Variants in TENM3 observed in about 807,000 individuals in gnomAD.
TENM3 encodes the protein teneurin-3.
Under a neutral mutation model 255.1 loss-of-function variants are expected in TENM3, and 63 were observed. That is an observed-to-expected ratio of 0.25 (90% CI 0.20 to 0.30). The LOEUF (loss-of-function observed/expected upper bound fraction) is 0.30. TENM3 is among the 10% of genes least tolerant of loss of function. The probability of loss-of-function intolerance (pLI) is 1.00; values close to 1 mark genes in which losing one functional copy is unlikely to be tolerated. For synonymous variants in TENM3, 1,306 were observed against 1,322.3 expected (o/e 0.99, Z 0.27); for missense variants, 2,929 against 3,461.1 (o/e 0.85, Z 3.86).
At chr4:182,104,568 G>C in the TENM3 span, among the ~76,000 whole-genome samples, 3 of 138,756 alleles carry the variant, frequency 2.2e-5, no homozygotes, top group African/African-American at 8.3e-5. Flanking sequence ...CTGGAGTGCA[G>C]TGGCACAAAC....
intron 3 of TENM3, among the ~76,000 whole-genome samples, chr4:182,466,261 TC>T (rs1218688641): frequency 6.6e-6 from 1 of 152,196 alleles, no homozygotes; most frequent in Non-Finnish European, 1.5e-5. Flanking sequence ...AGGCTAGACA[TC>T]CAAAATCAAG....
At chr4:182,766,935 C>T (rs570234654) in intron 22 of TENM3, among the ~76,000 whole-genome samples, 2 of 152,242 alleles carry the variant, frequency 1.3e-5, no homozygotes, top group African/African-American at 4.8e-5. Context: ...CCCTTAGCAC[C>T]AAGACCAAAC....
chr4:182,288,214 G>A (rs529992202), intron 1 of TENM3, among the ~76,000 whole-genome samples: 4 of 152,130 alleles, frequency 2.6e-5, no homozygotes, highest in African/African-American at 9.7e-5. Flanking sequence ...GGGATTACAG[G>A]CATGAGCCAC....
the TENM3 span, among the ~76,000 whole-genome samples, chr4:182,033,843 G>C: frequency 3.0e-4 from 45 of 152,292 alleles, 1 homozygote; most frequent in African/African-American, 1.0e-3. Context: ...TTTTGCCAAA[G>C]ACTAGGATTG....
the TENM3 span, among the ~76,000 whole-genome samples, chr4:181,623,649 G>A: frequency 6.6e-6 from 1 of 152,212 alleles, no homozygotes; most frequent in Non-Finnish European, 1.5e-5. Flanking sequence ...CATCTCATGT[G>A]TAGGAGCTGC....
chr4:182,366,094 AT>A (rs1255468097), intron 3 of TENM3, among the ~76,000 whole-genome samples: 1 of 152,076 alleles, frequency 6.6e-6, no homozygotes, highest in Admixed American at 6.6e-5. Flanking sequence ...ATGGACATGG[AT>A]TTTTTTCTTA....
At chr4:181,519,686 C>G in the TENM3 span, among the ~76,000 whole-genome samples, 1 of 152,140 alleles carries the variant, frequency 6.6e-6, no homozygotes, top group Admixed American at 6.5e-5. Context: ...AGATCAATCA[C>G]GTTTTCACTT....
At position 182,324,215 on chromosome 4, in the gene TENM3, T is replaced by C. The variant is rs747317091; in HGVS notation, c.195T>C (p.Asp65=). ...TGCTTTACGGCAACAGAGTGAAGGATTTGGTTCACAGAGAAGCAGACGAGT... is the reference window on the plus strand; with the variant it reads ...TGCTTTACGGCAACAGAGTGAAGGACTTGGTTCACAGAGAAGCAGACGAGT... ...SRLLYGNRVK[D]LVHREADEFT... The change falls in exon 2 of 28, where the codon GAT becomes GAC. Residue 65 remains aspartate (D), a synonymous_variant. Transcript: ENST00000511685. 6.2e-7 allele frequency: 1 copy of C among 1,613,806 alleles called. No individual in the cohort carries two copies. Among genetic ancestry groups the C allele is most frequent in the Admixed American group, 1.7e-5 (1 of 60,006 alleles).
chr4:182,527,786 G>A lies in TENM3; in HGVS notation c.512-73138G>A, dbSNP rs145485259. ...CTCTGTCACCAGGCTGGAGTACAGC[G>A]GCACAATCTCGGCTCACTGCAACCT... On this transcript the variant is annotated intron_variant, in intron 3 of 27. Transcript: ENST00000511685. Among the ~76,000 whole-genome samples, 544 of 152,106 alleles carry A rather than the reference G, an allele frequency of 3.6e-3. 6 individuals are homozygous for A. The highest frequency in any genetic ancestry group is 0.013 in the African/African-American group (519 of 41,506).
upstream of TENM3, chr4:182,142,006 A>C (rs967489128): frequency 2.6e-5 from 4 of 152,214 alleles, no homozygotes; most frequent in Non-Finnish European, 4.4e-5. Context: ...TGTGGGAACT[A>C]GGCCACAAAA....
chr4:182,183,584 G>A (rs1752966215), intron 1 of TENM3, among the ~76,000 whole-genome samples: 2 of 152,138 alleles, frequency 1.3e-5, no homozygotes. Flanking sequence ...TTCTTTTCTA[G>A]TTATTCCAGC....
chr4:182,793,200 C>A lies in TENM3; in HGVS notation c.6528C>A (p.Asp2176Glu). The A allele has an allele frequency of 6.2e-7, 1 of 1,613,942 alleles. No individual in the cohort carries two copies. Among genetic ancestry groups the A allele is most frequent in the Non-Finnish European group, 8.5e-7 (1 of 1,179,848 alleles). The change falls in exon 26 of 28, where the codon GAC becomes GAA. Residue 2176 changes from aspartate (D) to glutamate (E), a missense_variant. Asp to Glu is a conservative substitution (Grantham distance 45). This residue lies in a region of TENM3 where 256 missense variants were observed against 389.3 expected (regional missense o/e 0.66). Coordinates refer to ENST00000511685, the MANE Select transcript of TENM3 (RefSeq NM_001080477.4). This position sits in a 1 kb window ranked among gnomAD's most constrained non-coding sequence, Gnocchi z 5.7. ...NSARLTPLRY[D>E]LRDRITRLGD... ...CGCGTCTGACACCCCTTCGCTATGA[C>A]CTGCGAGACAGAATCACTCGACTGG...
intron 3 of TENM3, among the ~76,000 whole-genome samples, chr4:182,513,743 G>T (rs1285251619): frequency 6.6e-6 from 1 of 152,130 alleles, no homozygotes; most frequent in Non-Finnish European, 1.5e-5. Context: ...CCTAGTGTTT[G>T]CCAGTTCTAG....
chr4:182,062,868 GT>G, the TENM3 span, among the ~76,000 whole-genome samples: 1 of 152,144 alleles, frequency 6.6e-6, no homozygotes, highest in Non-Finnish European at 1.5e-5. Flanking sequence ...GGCTCTCCTT[GT>G]CTTTAAAAAA....
chr4:182,652,480 C>T (rs1157839583), intron 5 of TENM3, among the ~76,000 whole-genome samples: 2 of 152,186 alleles, frequency 1.3e-5, no homozygotes, highest in East Asian at 1.9e-4. Context: ...ATCTTCTGGC[C>T]TACACCTTCT....
the TENM3 span, among the ~76,000 whole-genome samples, chr4:181,982,096 A>G: frequency 3.9e-5 from 6 of 152,232 alleles, no homozygotes; most frequent in East Asian, 5.8e-4. Context: ...GCTGGGGTCC[A>G]TAATAAATAT....
At chr4:182,085,625 T>C in the TENM3 span, among the ~76,000 whole-genome samples, 1 of 152,170 alleles carries the variant, frequency 6.6e-6, no homozygotes, top group Non-Finnish European at 1.5e-5. Flanking sequence ...TTACAGTGTC[T>C]TGGTATCTGT....
At chr4:182,619,103 T>C (rs1381945088) in intron 4 of TENM3, among the ~76,000 whole-genome samples, 2 of 151,938 alleles carry the variant, frequency 1.3e-5, no homozygotes, top group Admixed American at 6.6e-5. Flanking sequence ...ACGTGACCCA[T>C]AGAGGTATAC....
the TENM3 span, among the ~76,000 whole-genome samples, chr4:182,020,149 G>C: frequency 6.6e-6 from 1 of 152,120 alleles, no homozygotes; most frequent in East Asian, 1.9e-4. Context: ...CAGATCCCTT[G>C]AGGTCAGGAG....
Sources: gnomAD v4.1 joint callset for allele counts (sites outside exome capture counted in the v4.1 genomes callset) on GRCh38, gnomAD v4.1.1 for gene constraint, gnomAD v4.1.1 regional missense constraint, Gnocchi (gnomAD v3.1) non-coding constraint, MANE v1.5 for transcripts, NCBI Gene and HGNC (gene_info 2026-07-23, HGNC 2026-07-21) for gene names.